Variants in COLEC10 observed in about 807,000 individuals in gnomAD.
COLEC10 encodes collectin subfamily member 10.
A neutral mutation model predicts 28.4 loss-of-function variants in COLEC10; 22 were observed. The observed-to-expected ratio is 0.78, with a 90% CI of 0.55 to 1.11. The LOEUF (loss-of-function observed/expected upper bound fraction) is 1.11. Among genes scored for constraint, COLEC10 ranks in the 50% least tolerant of loss-of-function variants. The probability of loss-of-function intolerance (pLI) is 0.00; values close to 1 mark genes in which losing one functional copy is unlikely to be tolerated. For synonymous variants in COLEC10, 125 were observed against 116.1 expected (o/e 1.08, Z -0.49); for missense variants, 361 against 344.1 (o/e 1.05, Z -0.39).
At chr8:119,082,012 G>C (rs2130258410) in intron 1 of COLEC10, among the ~76,000 whole-genome samples, 1 of 152,266 alleles carries the variant, frequency 6.6e-6, no homozygotes, top group East Asian at 1.9e-4. Context: ...TATGGTTACA[G>C]CATAAAGACA....
intron 3 of COLEC10, among the ~76,000 whole-genome samples, chr8:119,092,736 T>C (rs1247125403): frequency 6.6e-6 from 1 of 151,858 alleles, no homozygotes; most frequent in Admixed American, 6.6e-5. Context: ...CAAAACCCCA[T>C]CTCTACTAAA....
chr8:118,969,486 GC>G, the COLEC10 span, among the ~76,000 whole-genome samples: 20 of 152,044 alleles, frequency 1.3e-4, no homozygotes, highest in Non-Finnish European at 2.5e-4. Context: ...CATCTGCCAG[GC>G]ACTGTTAGCA....
chr8:118,993,871 A>G (rs1470715416), upstream of COLEC10, among the ~76,000 whole-genome samples: 1 of 152,172 alleles, frequency 6.6e-6, no homozygotes, highest in African/African-American at 2.4e-5. Flanking sequence ...AGGGGTTTAT[A>G]GGAGAAGCAC....
At chr8:118,960,921 A>G in the COLEC10 span, among the ~76,000 whole-genome samples, 2 of 152,184 alleles carry the variant, frequency 1.3e-5, no homozygotes, top group African/African-American at 4.8e-5. Context: ...TTGGAAACAG[A>G]ATCTGCTTCT....
the COLEC10 span, among the ~76,000 whole-genome samples, chr8:118,989,564 C>T: frequency 1.3e-4 from 19 of 149,780 alleles, no homozygotes; most frequent in South Asian, 4.2e-4. Flanking sequence ...CACACACACA[C>T]ACACACACAC....
upstream of COLEC10, among the ~76,000 whole-genome samples, chr8:118,993,046 CA>C (rs1165311128): frequency 2.0e-5 from 3 of 152,108 alleles, no homozygotes; most frequent in African/African-American, 7.2e-5. Context: ...GAGGTTTAAA[CA>C]AAAGCTGTAG....
At chr8:118,969,577 C>T in the COLEC10 span, among the ~76,000 whole-genome samples, 1 of 151,898 alleles carries the variant, frequency 6.6e-6, no homozygotes, top group Admixed American at 6.6e-5. Flanking sequence ...AATGGAGAGT[C>T]CCCCATAAGT....
intron 1 of COLEC10, among the ~76,000 whole-genome samples, chr8:119,075,725 C>A (rs945075049): frequency 6.6e-6 from 1 of 152,070 alleles, no homozygotes; most frequent in Non-Finnish European, 1.5e-5. Flanking sequence ...ACTGCTCTTG[C>A]ATGCGATTTG....
At chr8:118,972,586 C>T in the COLEC10 span, among the ~76,000 whole-genome samples, 1 of 151,922 alleles carries the variant, frequency 6.6e-6, no homozygotes, top group Non-Finnish European at 1.5e-5. Context: ...AAAACAAACA[C>T]AAAATTATCT....
the COLEC10 span, among the ~76,000 whole-genome samples, chr8:118,968,797 G>A: frequency 2.6e-5 from 4 of 151,716 alleles, no homozygotes; most frequent in African/African-American, 9.7e-5. Context: ...ACAGGCCCCA[G>A]TGTGTCATGT....
At chr8:119,105,770 G>A (rs202199030) in intron 5 of COLEC10, 30 bp from the exon 6 acceptor site, 9 of 1,568,012 alleles carry the variant, frequency 5.7e-6, no homozygotes, top group Admixed American at 1.8e-5. Context: ...TTTGAGATAC[G>A]TAATGATACT....
intron 1 of COLEC10, among the ~76,000 whole-genome samples, chr8:119,072,634 G>A (rs1273241747): frequency 1.3e-5 from 2 of 152,264 alleles, no homozygotes; most frequent in Middle Eastern, 3.4e-3. Flanking sequence ...CCCCTACACA[G>A]TGTTGATGGC....
At chr8:119,076,381 C>G (rs1428901464) in intron 1 of COLEC10, among the ~76,000 whole-genome samples, 2 of 151,998 alleles carry the variant, frequency 1.3e-5, no homozygotes, top group East Asian at 3.9e-4. Flanking sequence ...CCTGCCTCAG[C>G]CTCCTGAGTA....
At chr8:119,015,852 C>T (rs762532123) in intron 2 of COLEC10, among the ~76,000 whole-genome samples, 41 of 152,084 alleles carry the variant, frequency 2.7e-4, no homozygotes, top group Non-Finnish European at 4.6e-4. Context: ...ACATGCTGTA[C>T]TAGAAAATGG....
chr8:119,026,219 T>C (rs1254190208), intron 2 of COLEC10, among the ~76,000 whole-genome samples: 1 of 152,168 alleles, frequency 6.6e-6, no homozygotes, highest in Non-Finnish European at 1.5e-5. Context: ...GGCATTGCCC[T>C]AAGTTCTTTG....
intron 1 of COLEC10, among the ~76,000 whole-genome samples, chr8:119,073,197 G>T (rs549967837): frequency 1.3e-5 from 2 of 152,300 alleles, no homozygotes; most frequent in East Asian, 3.9e-4. Flanking sequence ...TAGGCAGCAG[G>T]ACTAGAACTA....
intron 2 of COLEC10, among the ~76,000 whole-genome samples, chr8:119,022,720 C>A (rs559314082): frequency 6.6e-6 from 1 of 152,060 alleles, no homozygotes; most frequent in East Asian, 1.9e-4. Flanking sequence ...TGCATAATAC[C>A]CAGTCCCCTC....
chr8:119,091,123 A>T (rs375090175), intron 2 of COLEC10, 26 bp from the exon 3 acceptor site: 194 of 1,587,116 alleles, frequency 1.2e-4, no homozygotes, highest in Non-Finnish European at 1.6e-4. Context: ...ACCTTATGAT[A>T]AAAAGATAAC....
intron 2 of COLEC10, among the ~76,000 whole-genome samples, chr8:119,023,150 A>T (rs1814128212): frequency 6.6e-6 from 1 of 152,168 alleles, no homozygotes; most frequent in Non-Finnish European, 1.5e-5. Context: ...ATTGTCCGTC[A>T]CTGCCTGCTT....
Sources: allele counts gnomAD v4.1 joint callset (sites outside exome capture counted in the v4.1 genomes callset), GRCh38; gene constraint gnomAD v4.1.1; transcripts MANE v1.5; gene names NCBI Gene and HGNC (gene_info 2026-07-23, HGNC 2026-07-21).